PTPRT: variants seen among roughly 807,000 people sequenced by gnomAD.
The protein encoded by PTPRT is protein tyrosine phosphatase receptor type T.
A neutral mutation model predicts 176.8 loss-of-function variants in PTPRT; 56 were observed. The observed-to-expected ratio is 0.32, with a 90% CI of 0.26 to 0.40. PTPRT has a LOEUF of 0.40. Ranked by LOEUF, PTPRT falls within the 10% of genes least tolerant of loss-of-function variation. PTPRT has a pLI of 1.00. For missense variants in PTPRT, 1,540 were observed against 1,908.2 expected (o/e 0.81, Z 3.60); for synonymous variants, 783 against 739.0 (o/e 1.06, Z -0.96).
At chr20:42,968,587 C>T (rs1982436963) in intron 1 of PTPRT, among the ~76,000 whole-genome samples, 1 of 152,240 alleles carries the variant, frequency 6.6e-6, no homozygotes. Context: ...CAAAAGTCCA[C>T]TGAAGGCAAA....
chr20:42,099,544 G>T (rs1427929383), intron 26 of PTPRT, among the ~76,000 whole-genome samples: 3 of 49,012 alleles, frequency 6.1e-5, no homozygotes, highest in African/African-American at 1.8e-4. Flanking sequence ...AAATGGCCTG[G>T]GCGGGGGGGG....
At chr20:42,644,423 T>C (rs528799292) in intron 7 of PTPRT, among the ~76,000 whole-genome samples, 1 of 152,154 alleles carries the variant, frequency 6.6e-6, no homozygotes, top group Non-Finnish European at 1.5e-5. Flanking sequence ...GCACTGATCT[T>C]CATGTTTCCA....
chr20:42,461,146 G>A (rs1279809837), intron 8 of PTPRT, among the ~76,000 whole-genome samples: 1 of 152,172 alleles, frequency 6.6e-6, no homozygotes, highest in East Asian at 1.9e-4. Flanking sequence ...TGACCAACAC[G>A]GAGAAACCCT....
intron 7 of PTPRT, among the ~76,000 whole-genome samples, chr20:42,525,843 T>C (rs1399922339): frequency 6.6e-6 from 1 of 152,224 alleles, no homozygotes; most frequent in Admixed American, 6.5e-5. Context: ...ACAATAAACA[T>C]TAATGGGGAC....
At chr20:42,327,330 C>T (rs962359355) in intron 11 of PTPRT, among the ~76,000 whole-genome samples, 10 of 151,912 alleles carry the variant, frequency 6.6e-5, no homozygotes, top group African/African-American at 2.4e-4. Context: ...CCTTGCCAAC[C>T]AAATACAATG....
chr20:43,044,936 C>T (rs560735246), intron 1 of PTPRT, among the ~76,000 whole-genome samples: 6 of 152,330 alleles, frequency 3.9e-5, no homozygotes, highest in South Asian at 2.1e-4. Context: ...CTGCACTCAA[C>T]GCTAAGGTTA....
chr20:42,848,978 G>C (rs1227698229), intron 2 of PTPRT, among the ~76,000 whole-genome samples: 1 of 152,160 alleles, frequency 6.6e-6, no homozygotes, highest in African/African-American at 2.4e-5. Flanking sequence ...TCCATTGTGA[G>C]TTGATTTTTG....
chr20:42,202,442 C>G (rs527891626), intron 15 of PTPRT, among the ~76,000 whole-genome samples: 2 of 152,142 alleles, frequency 1.3e-5, no homozygotes, highest in South Asian at 2.1e-4. Context: ...ACTGTTCTAC[C>G]AGTAAAATGA....
intron 7 of PTPRT, among the ~76,000 whole-genome samples, chr20:42,652,126 T>G (rs2075043939): frequency 6.6e-6 from 1 of 151,964 alleles, no homozygotes. Context: ...CAATTGCTAT[T>G]AATAAGTAGA....
chr20:42,369,443 T>C (rs1168346279), intron 9 of PTPRT, among the ~76,000 whole-genome samples: 1 of 152,226 alleles, frequency 6.6e-6, no homozygotes, highest in Admixed American at 6.5e-5. Flanking sequence ...CCTGAACCTA[T>C]GCTTCGCAGG....
At chr20:42,428,560 T>C (rs1338526622) in intron 9 of PTPRT, among the ~76,000 whole-genome samples, 1 of 152,188 alleles carries the variant, frequency 6.6e-6, no homozygotes, top group Non-Finnish European at 1.5e-5. Flanking sequence ...CACCAGACAG[T>C]GCCTATTTGT....
chr20:42,624,085 T>C (rs1022011908), intron 7 of PTPRT, among the ~76,000 whole-genome samples: 3 of 151,946 alleles, frequency 2.0e-5, no homozygotes, highest in Admixed American at 6.5e-5. Context: ...CCATGACTTG[T>C]ACCAGGCACT....
chr20:42,643,850 T>G (rs748231725), intron 7 of PTPRT, among the ~76,000 whole-genome samples: 2 of 151,362 alleles, frequency 1.3e-5, no homozygotes, highest in Non-Finnish European at 2.9e-5. Context: ...GGACCTCCCT[T>G]TTCAGCCAGG....
chr20:42,661,218 G>T (rs3091543), intron 7 of PTPRT, among the ~76,000 whole-genome samples: 3,142 of 152,132 alleles, frequency 0.021, 119 homozygotes, highest in African/African-American at 0.072. Flanking sequence ...GGTCCTTTGC[G>T]AAGTGACTTT....
chr20:42,230,225 A>G (rs1010196047), intron 15 of PTPRT, among the ~76,000 whole-genome samples: 1 of 152,226 alleles, frequency 6.6e-6, no homozygotes, highest in African/African-American at 2.4e-5. Context: ...CCCATGGAGT[A>G]TCTGTGGACA....
intron 6 of PTPRT, among the ~76,000 whole-genome samples, chr20:42,745,369 A>G (rs2076676922): frequency 6.6e-6 from 1 of 152,178 alleles, no homozygotes; most frequent in African/African-American, 2.4e-5. Flanking sequence ...CTGGGCCAGT[A>G]CGACTGGCCT....
At position 42,101,890 on chromosome 20, in the gene PTPRT, G is replaced by A. The variant is rs144099204; in HGVS notation, c.3714+234C>T. On this transcript the variant is annotated intron_variant, in intron 26 of 30. Coordinates refer to ENST00000373187, the MANE Select transcript of PTPRT (RefSeq NM_007050.6). ...CATGGTGACACGGGAGCCACCTTAC[G>A]CTTCTGGTCTATTCTTTCCAGGCTC... Among the ~76,000 whole-genome samples, 35 of 152,314 alleles carry A rather than the reference G, an allele frequency of 2.3e-4. No individual in the cohort carries two copies. In the East Asian group the frequency reaches 5.2e-3, roughly 23 times the overall value.
chr20:42,820,596 T>A (rs2145653511), intron 2 of PTPRT, among the ~76,000 whole-genome samples: 1 of 151,036 alleles, frequency 6.6e-6, no homozygotes, highest in South Asian at 2.1e-4. Context: ...GATAGAGACA[T>A]AAAAAAATCT....
intron 1 of PTPRT, among the ~76,000 whole-genome samples, chr20:42,966,944 C>T (rs897295446): frequency 6.6e-6 from 1 of 152,218 alleles, no homozygotes; most frequent in Non-Finnish European, 1.5e-5. Context: ...AAGAATTCCT[C>T]CACTTTAACT....
Sources: gnomAD v4.1 joint callset for allele counts (sites outside exome capture counted in the v4.1 genomes callset) on GRCh38, gnomAD v4.1.1 for gene constraint, MANE v1.5 for transcripts, NCBI Gene and HGNC (gene_info 2026-07-23, HGNC 2026-07-21) for gene names.